Variants in MFAP5 observed in about 807,000 individuals in gnomAD.
MFAP5 encodes microfibrillar-associated protein 5.
MFAP5 carries 19 observed loss-of-function variants against 30.1 expected under a neutral mutation model. That is an observed-to-expected ratio of 0.63 (90% CI 0.44 to 0.93). MFAP5 has a LOEUF of 0.93. Among genes scored for constraint, MFAP5 ranks in the 40% least tolerant of loss-of-function variants. The pLI is 0.00. For synonymous variants in MFAP5, 92 were observed against 72.9 expected (o/e 1.26, Z -1.33); for missense variants, 210 against 221.3 (o/e 0.95, Z 0.32).
At chr12:8,660,769 A>G (rs1942125200) in intron 3 of MFAP5, 94 bp downstream of exon 3, 1 of 876,052 alleles carries the variant, frequency 1.1e-6, no homozygotes, top group African/African-American at 1.8e-5. Flanking sequence ...TTTTTTTGGC[A>G]GCGATAGATA....
chr12:8,656,668 A>ATTTTTT (rs1555139703), intron 3 of MFAP5, among the ~76,000 whole-genome samples: 43 of 118,764 alleles, frequency 3.6e-4, no homozygotes, highest in South Asian at 4.9e-4. Context: ...ATATATATAT[A>ATTTTTT]TTTTTTTTTT....
At chr12:8,660,946 C>G (rs769648040) in intron 2 of MFAP5, 48 bp from the exon 3 acceptor site, 4 of 1,478,264 alleles carry the variant, frequency 2.7e-6, no homozygotes, top group Non-Finnish European at 3.7e-6. Context: ...CAGCTCTATA[C>G]CTCGTAACCC....
intron 3 of MFAP5, among the ~76,000 whole-genome samples, chr12:8,656,662 A>AT (rs1393723334): frequency 1.5e-5 from 2 of 134,770 alleles, no homozygotes; most frequent in African/African-American, 6.0e-5. Flanking sequence ...ATATATATAT[A>AT]TATATATTTT....
intron 6 of MFAP5, among the ~76,000 whole-genome samples, chr12:8,653,608 G>A (rs114325777): frequency 1.6e-4 from 25 of 152,198 alleles, no homozygotes; most frequent in African/African-American, 5.8e-4. Flanking sequence ...TTAGTCAAAT[G>A]TGCCCTCCAC....
intron 6 of MFAP5, among the ~76,000 whole-genome samples, chr12:8,651,983 A>G (rs1174291675): frequency 6.6e-6 from 1 of 152,208 alleles, no homozygotes; most frequent in African/African-American, 2.4e-5. Flanking sequence ...AAGCAAATTT[A>G]GTAGGAACAC....
chr12:8,656,999 G>C (rs1279778840), intron 3 of MFAP5, among the ~76,000 whole-genome samples: 1 of 152,012 alleles, frequency 6.6e-6, no homozygotes, highest in Admixed American at 6.6e-5. Context: ...TTTGCTAAGA[G>C]AGTAAATTTC....
At chr12:8,660,271 C>T (rs1421874387) in intron 3 of MFAP5, among the ~76,000 whole-genome samples, 4 of 151,634 alleles carry the variant, frequency 2.6e-5, no homozygotes, top group African/African-American at 7.3e-5. Context: ...TCACTGCAAC[C>T]GCAGCCTCCT....
rs370658614 is a variant in MFAP5 at position 8,648,062 on chromosome 12, A to G, written c.*29T>C. 1.2e-5 allele frequency: 18 copies of G among 1,549,812 alleles called. No homozygotes were observed. The highest frequency in any genetic ancestry group is 2.7e-5 in the African/African-American group (2 of 73,408). On this transcript the variant is annotated 3_prime_UTR_variant, in exon 10 of 10. Transcript: ENST00000359478. ...AGATCCTCCTTCCTCTCACCCATACATTTTTTCTTCTTTCCTCTTTTTCAA... is the reference window on the plus strand; with the variant it reads ...AGATCCTCCTTCCTCTCACCCATACGTTTTTTCTTCTTTCCTCTTTTTCAA...
chr12:8,655,789 G>T lies in MFAP5; in HGVS notation c.136C>A (p.Pro46Thr). The T allele has an allele frequency of 6.2e-7, 1 of 1,610,724 alleles. No homozygotes were observed. Reference sequence around the variant, plus strand: ...AACAAACAAAAGTGTAGCTTACTAGGATCTTCTGTGAATGTTTCTGGAGTC... The same window carrying T: ...AACAAACAAAAGTGTAGCTTACTAGTATCTTCTGTGAATGTTTCTGGAGTC... ...QATPETFTED[P>T]NLVNDPATDE... Residue 46 changes from proline to threonine, a missense_variant, in exon 4 of 10, where the codon CCT becomes ACT. Pro to Thr is a conservative substitution (Grantham distance 38, BLOSUM62 -1). Transcript: ENST00000359478.
rs962818907 is a variant in MFAP5, at chr12:8,646,155, C to T, written c.*1936G>A. 1.3e-5 allele frequency: 2 copies of T among 152,572 alleles called. No individual in the cohort carries two copies. Among genetic ancestry groups the T allele is most frequent in the African/African-American group, 4.8e-5 (2 of 41,416 alleles). 9.5% of individuals were successfully genotyped at this position (152,572 alleles called of 1,614,324 possible). On this transcript the variant is annotated 3_prime_UTR_variant, in exon 10 of 10. Coordinates refer to ENST00000359478, the MANE Select transcript of MFAP5 (RefSeq NM_003480.4). The stretch of plus-strand genomic sequence containing the variant: ...GTTTCTCTAAAGTGGCTAAAATATG[C>T]ATTTAATATGTTGTCTAAATGAGTA...
intron 4 of MFAP5, 62 bp downstream of exon 4, chr12:8,655,724 A>G: frequency 1.3e-6 from 2 of 1,556,618 alleles, no homozygotes; most frequent in East Asian, 2.2e-5. Flanking sequence ...TTATGTAGAC[A>G]TGATCCTTTA....
Position 8,650,600 on chromosome 12 carries a change from C to G in MFAP5, c.248-11G>C. ...TCTCATCCCAGCACTCTGAGGAAGCCCAATACAAAAAAATAAGGAGGTCCA... is the reference window on the plus strand; with the variant it reads ...TCTCATCCCAGCACTCTGAGGAAGCGCAATACAAAAAAATAAGGAGGTCCA... On this transcript the variant is annotated splice_polypyrimidine_tract_variant and intron_variant, in intron 7 of 9. Transcript: ENST00000359478. The G allele has an allele frequency of 6.2e-7, 1 of 1,608,202 alleles. No individual in the cohort carries two copies. Among genetic ancestry groups the G allele is most frequent in the Non-Finnish European group, 8.5e-7 (1 of 1,178,130 alleles).
At chr12:8,656,165 A>G (rs935928294) in intron 3 of MFAP5, among the ~76,000 whole-genome samples, 3 of 145,506 alleles carry the variant, frequency 2.1e-5, no homozygotes, top group Non-Finnish European at 4.5e-5. Context: ...GGTTCACATC[A>G]TTCTCCTGCC....
Position 8,655,409 on chromosome 12 carries a change from A to AC in MFAP5, c.172+5_172+6insG. 4 of 1,598,172 alleles carry AC rather than the reference A, an allele frequency of 2.5e-6. No individual in the cohort carries two copies. The highest frequency in any genetic ancestry group is 3.4e-6 in the Non-Finnish European group (4 of 1,173,022). On this transcript the variant is annotated splice_donor_region_variant and intron_variant, in intron 5 of 9. Transcript: ENST00000359478. The stretch of plus-strand genomic sequence containing the variant: ...CCATTTTTTTTTTAACTGCGGTAAA[A>AC]TTTACCTGTTTCATCTGTAGCGGGA...
intron 4 of MFAP5, 94 bp downstream of exon 4, chr12:8,655,692 C>G: frequency 6.9e-7 from 1 of 1,448,310 alleles, no homozygotes. Flanking sequence ...CCCTCCAACC[C>G]TTCTGAAGTC....
chr12:8,654,507 TGAG>T lies in MFAP5; in HGVS notation c.173-29_173-27del, dbSNP rs772906785. On this transcript the variant is annotated intron_variant, in intron 5 of 9. Coordinates refer to ENST00000359478, the MANE Select transcript of MFAP5 (RefSeq NM_003480.4). The stretch of plus-strand genomic sequence containing the variant: ...CTGAAAAGGCACAAAACAGCAGGTA[TGAG>T]GAGGGCTTCAAATTGCAAACACAAG... 4.5e-5 allele frequency: 72 copies of T among 1,591,152 alleles called. No homozygotes were observed. In the East Asian group the frequency reaches 1.5e-3, roughly 33 times the overall value.
rs1591575845 is a variant in MFAP5, at chr12:8,659,010, T to C, written c.94+1853A>G. Among the ~76,000 whole-genome samples, 11 of 149,038 alleles carry C rather than the reference T, an allele frequency of 7.4e-5. No homozygotes were observed. The South Asian group carries it at 2.4e-3, about 32-fold the overall frequency. On this transcript the variant is annotated intron_variant, in intron 3 of 9. Coordinates refer to ENST00000359478, the MANE Select transcript of MFAP5 (RefSeq NM_003480.4). ...CACCTGGCTTTTTTTTTTTTTTTTT[T>C]AAGAGATAGGGTCTCAGGCTGGCAG...
In MFAP5 at chr12:8,645,965, T is replaced by C. The variant is rs1002244744; in HGVS notation, c.*2126A>G. 3.2e-4 allele frequency: 49 copies of C among 152,558 alleles called. No homozygotes were observed. Among genetic ancestry groups the C allele is most frequent in the African/African-American group, 1.1e-3 (45 of 41,450 alleles). The allele number at this position is 152,558 out of a possible 1,614,324, so 9.5% of individuals were successfully genotyped here. On this transcript the variant is annotated 3_prime_UTR_variant, in exon 10 of 10. Coordinates refer to ENST00000359478, the MANE Select transcript of MFAP5 (RefSeq NM_003480.4). ...AAGAACCAGAACAAAAGACATTTTATTTTGAGAAATAAATTGGAAAAAAAT... is the reference window on the plus strand; with the variant it reads ...AAGAACCAGAACAAAAGACATTTTACTTTGAGAAATAAATTGGAAAAAAAT...
chr12:8,652,784 G>A (rs1244732845), intron 6 of MFAP5, among the ~76,000 whole-genome samples: 2 of 152,138 alleles, frequency 1.3e-5, no homozygotes, highest in Non-Finnish European at 2.9e-5. Flanking sequence ...ATATTTCAAA[G>A]ATCTTTCACA....
Sources: allele counts gnomAD v4.1 joint callset (sites outside exome capture counted in the v4.1 genomes callset), GRCh38; gene constraint gnomAD v4.1.1; transcripts MANE v1.5; gene names NCBI Gene and HGNC (gene_info 2026-07-23, HGNC 2026-07-21).